Variants in UBE4A observed in about 807,000 individuals in gnomAD.
The protein encoded by UBE4A is ubiquitination factor E4A.
A neutral mutation model predicts 117.9 loss-of-function variants in UBE4A; 48 were observed. The observed-to-expected ratio is 0.41, with a 90% confidence interval of 0.32 to 0.52. UBE4A has a LOEUF of 0.52. Ranked by LOEUF, UBE4A falls within the 20% of genes least tolerant of loss-of-function variation. The pLI, the probability that UBE4A is intolerant of heterozygous loss-of-function variation, is 0.33. For synonymous variants in UBE4A, 407 were observed against 450.0 expected (o/e 0.90, Z 1.21); for missense variants, 1,067 against 1,296.3 (o/e 0.82, Z 2.72).
chr11:118,368,026 A>T (rs1948578398), intron 2 of UBE4A, among the ~76,000 whole-genome samples: 1 of 152,224 alleles, frequency 6.6e-6, no homozygotes, highest in South Asian at 2.1e-4. Flanking sequence ...TACAGCTATT[A>T]AAAATAGTGA....
chr11:118,364,080 C>A (rs1306722786), intron 1 of UBE4A, among the ~76,000 whole-genome samples: 1 of 152,026 alleles, frequency 6.6e-6, no homozygotes, highest in Non-Finnish European at 1.5e-5. Flanking sequence ...ACATTCATAC[C>A]CTTTGTCTCT....
rs747742158 is a variant in UBE4A, at chr11:118,372,497, C to A, written c.562-10C>A. ...TAGACTATTCCCTCTTTTCTTCATG[C>A]TGTTTGCAGATTACCAAAGTTCCAG... On this transcript the variant is annotated splice_polypyrimidine_tract_variant and intron_variant, in intron 5 of 19. Transcript: ENST00000252108. The A allele has an allele frequency of 2.5e-6, 4 of 1,597,938 alleles. No homozygotes were observed. The highest frequency in any genetic ancestry group is 3.4e-6 in the Non-Finnish European group (4 of 1,175,078).
intron 13 of UBE4A, among the ~76,000 whole-genome samples, chr11:118,383,973 CA>C (rs1948731222): frequency 6.6e-6 from 1 of 151,964 alleles, no homozygotes; most frequent in Non-Finnish European, 1.5e-5. Flanking sequence ...ACCATACAAC[CA>C]AAGTGTTGTA....
intron 1 of UBE4A, among the ~76,000 whole-genome samples, chr11:118,362,728 A>C (rs780285716): frequency 6.6e-6 from 1 of 152,184 alleles, no homozygotes; most frequent in Non-Finnish European, 1.5e-5. Flanking sequence ...TGGCTTATCA[A>C]CTCAATCAGG....
chr11:118,360,980 G>GTA (rs990685315), intron 1 of UBE4A, among the ~76,000 whole-genome samples: 2 of 139,228 alleles, frequency 1.4e-5, no homozygotes, highest in African/African-American at 5.4e-5. Context: ...ATATATGTAT[G>GTA]TATATATGTG....
At position 118,365,152 on chromosome 11, in the gene UBE4A, T is replaced by C; in HGVS notation, c.72T>C (p.Asp24=). The part of the protein sequence containing the change: ...PFAALFGSLA[D]AKQFAAIQKE... ...CTGCTCTTTTTGGCTCCCTGGCTGA[T>C]GCCAAACAGTTTGCGGCAATCCAAA... is the stretch of plus-strand genomic sequence containing the variant. Residue 24 remains aspartate, a synonymous_variant, in exon 2 of 20, where the codon GAT becomes GAC. Transcript: ENST00000252108. 1 of 1,613,928 alleles carries C rather than the reference T, an allele frequency of 6.2e-7. No individual in the cohort carries two copies. Among genetic ancestry groups the C allele is most frequent in the Non-Finnish European group, 8.5e-7 (1 of 1,179,916 alleles).
intron 4 of UBE4A, among the ~76,000 whole-genome samples, chr11:118,370,415 G>A (rs1948599833): frequency 6.6e-6 from 1 of 152,090 alleles, no homozygotes; most frequent in Non-Finnish European, 1.5e-5. Context: ...CTCCAGGCCA[G>A]GAGTTACCAG....
intron 2 of UBE4A, among the ~76,000 whole-genome samples, chr11:118,366,224 C>G (rs542420243): frequency 6.6e-6 from 1 of 152,092 alleles, no homozygotes; most frequent in East Asian, 1.9e-4. Flanking sequence ...TCTCTGAAAT[C>G]TCTCCCAGAT....
chr11:118,367,941 T>G (rs1948577718), intron 2 of UBE4A, among the ~76,000 whole-genome samples: 1 of 152,186 alleles, frequency 6.6e-6, no homozygotes, highest in Non-Finnish European at 1.5e-5. Context: ...TCATGAAATA[T>G]TAGAAACAAC....
chr11:118,373,032 AAGGC>A (rs1948621755), intron 6 of UBE4A, 50 bp from the exon 7 acceptor site: 1 of 1,501,428 alleles, frequency 6.7e-7, no homozygotes, highest in Non-Finnish European at 9.2e-7. Flanking sequence ...CTAGTGTGTA[AAGGC>A]ATATAAAAAT....
chr11:118,377,073 G>A (rs1014289662), intron 10 of UBE4A, among the ~76,000 whole-genome samples: 66 of 151,978 alleles, frequency 4.3e-4, no homozygotes, highest in African/African-American at 1.6e-3. Context: ...AAGAGAGGAA[G>A]AGTCTTACAG....
intron 4 of UBE4A, among the ~76,000 whole-genome samples, chr11:118,370,000 G>C (rs12792929): frequency 0.18 from 26,973 of 151,738 alleles, 2,954 homozygotes; most frequent in East Asian, 0.51. Flanking sequence ...GCTGAGGCAG[G>C]AGAATGGTTT....
chr11:118,384,558 A>T, intron 13 of UBE4A, 77 bp from the exon 14 acceptor site: 1 of 1,351,840 alleles, frequency 7.4e-7, no homozygotes, highest in Non-Finnish European at 1.0e-6. Flanking sequence ...ACTACAAAGC[A>T]AATGGCTACA....
intron 12 of UBE4A, 102 bp downstream of exon 12, chr11:118,381,625 T>C: frequency 6.8e-7 from 1 of 1,475,508 alleles, no homozygotes. Context: ...AGGGGTTGCC[T>C]TCAGAAGTTA....
intron 11 of UBE4A, among the ~76,000 whole-genome samples, chr11:118,380,202 GTGT>G (rs1948692481): frequency 6.6e-6 from 1 of 150,592 alleles, no homozygotes; most frequent in South Asian, 2.1e-4. Context: ...GGGTGGGCAG[GTGT>G]TGTCAATCTA....
In UBE4A at chr11:118,368,682, T is replaced by A. The variant is rs763891520; in HGVS notation, c.173T>A (p.Leu58Gln). Reference protein sequence around the residue: ...DDSDNSVSESLDEFDYSVAEI... With the variant: ...DDSDNSVSESQDEFDYSVAEI... ...TCGGATAATAGCGTGTCAGAGAGCCTGGATGAATTCGATTACTCTGTGGCT... is the reference window on the plus strand; with the variant it reads ...TCGGATAATAGCGTGTCAGAGAGCCAGGATGAATTCGATTACTCTGTGGCT... The change falls in exon 3 of 20, where the codon CTG (leucine) becomes CAG (glutamine). Residue 58 changes from leucine (L) to glutamine (Q), a missense_variant. By Grantham distance (113) the Leu-to-Gln change is moderately radical (BLOSUM62 -2). This residue lies in a region of UBE4A where 1,001 missense variants were observed against 1,184.0 expected (regional missense o/e 0.85). Transcript: ENST00000252108. The A allele has an allele frequency of 3.1e-6, 5 of 1,614,098 alleles. No homozygotes were observed. In the African/African-American group the frequency reaches 6.7e-5, roughly 22 times the overall value.
chr11:118,391,805 A>AG, intron 18 of UBE4A, among the ~76,000 whole-genome samples: 2 of 151,984 alleles, frequency 1.3e-5, no homozygotes, highest in Middle Eastern at 6.8e-3. Flanking sequence ...AAAAAGAAAA[A>AG]AAAAAAAATT....
In UBE4A at chr11:118,396,886, T is replaced by G. The variant is rs1948879467; in HGVS notation, c.*446T>G. On this transcript the variant is annotated 3_prime_UTR_variant, in exon 20 of 20. Coordinates refer to ENST00000252108, the MANE Select transcript of UBE4A (RefSeq NM_001204077.2). ...ACAGCTGATGTTATCAGAAAAATCCTGTTATCCTGTGTATTTACTAGTCCT... is the reference window on the plus strand; with the variant it reads ...ACAGCTGATGTTATCAGAAAAATCCGGTTATCCTGTGTATTTACTAGTCCT... The G allele has an allele frequency of 6.0e-6, 1 of 166,976 alleles. No homozygotes were observed. The highest frequency in any genetic ancestry group is 6.5e-5 in the Admixed American group (1 of 15,404). The allele number at this position is 166,976 out of a possible 1,614,324, so 10.3% of individuals were successfully genotyped here.
chr11:118,379,396 G>T (rs1555125874), intron 10 of UBE4A, 50 bp from the exon 11 acceptor site: 10 of 1,543,938 alleles, frequency 6.5e-6, no homozygotes, highest in South Asian at 3.6e-5. Flanking sequence ...TTGTTTTTTT[G>T]TGACTTTCTG....
Sources: allele counts gnomAD v4.1 joint callset (sites outside exome capture counted in the v4.1 genomes callset), GRCh38; gene constraint gnomAD v4.1.1; regional missense constraint gnomAD v4.1.1; transcripts MANE v1.5; gene names NCBI Gene and HGNC (gene_info 2026-07-23, HGNC 2026-07-21).